The following DIP2A variants were observed in gnomAD, a reference collection of about 807,000 sequenced individuals.
DIP2A encodes DIP2 acetate--CoA ligase A.
In DIP2A, 85 loss-of-function variants were observed where a neutral mutation model predicts 177.4. The ratio of observed to expected loss-of-function variants is 0.48; its 90% CI spans 0.40 to 0.57. The LOEUF (loss-of-function observed/expected upper bound fraction) is 0.57. DIP2A is among the 20% of genes least tolerant of loss of function. The pLI, the probability that DIP2A is intolerant of heterozygous loss-of-function variation, is 0.00. For synonymous variants in DIP2A, 886 were observed against 881.8 expected (o/e 1.00, Z -0.08); for missense variants, 1,791 against 2,100.2 (o/e 0.85, Z 2.88).
intron 16 of DIP2A, 191 bp downstream of exon 16, chr21:46,538,793 C>A: frequency 1.2e-6 from 1 of 823,164 alleles, no homozygotes; most frequent in Non-Finnish European, 1.8e-6. Flanking sequence ...TTTATTAGGC[C>A]ACTAAATTTA....
At chr21:46,534,252 TAC>T in intron 12 of DIP2A, 139 bp downstream of exon 12, 1 of 691,082 alleles carries the variant, frequency 1.4e-6, no homozygotes, top group Non-Finnish European at 2.5e-6. Flanking sequence ...GCCCTGGAAA[TAC>T]AGAGTGTCAT....
chr21:46,541,798 G>A lies in DIP2A; in HGVS notation c.2079G>A (p.Leu693=), dbSNP rs2070435. Reference sequence around the variant, plus strand: ...GACCACCTCCAAGAAAAGCAGTCCTGTCGATGAACGGTCTAAGTTATGGTG... The same window carrying A: ...GACCACCTCCAAGAAAAGCAGTCCTATCGATGAACGGTCTAAGTTATGGTG... ...LGGPPPRKAV[L]SMNGLSYGVI... The change falls in exon 18 of 38, where the codon CTG becomes CTA. Residue 693 remains leucine, a synonymous_variant. Coordinates refer to ENST00000417564, the MANE Select transcript of DIP2A (RefSeq NM_015151.4). The A allele has an allele frequency of 0.33, 534,910 of 1,613,500 alleles. 90,971 individuals carry two copies. Among genetic ancestry groups the A allele is most frequent in the African/African-American group, 0.5 (37,573 of 74,906 alleles).
intron 25 of DIP2A, 38 bp from the exon 26 acceptor site, chr21:46,554,131 C>T (rs750865148): frequency 1.9e-6 from 3 of 1,603,062 alleles, no homozygotes; most frequent in East Asian, 4.5e-5. Flanking sequence ...CACCTGCACG[C>T]ACCAGCATAC....
At chr21:46,560,851 C>T in intron 33 of DIP2A, 68 bp downstream of exon 33, 2 of 1,550,556 alleles carry the variant, frequency 1.3e-6, no homozygotes, top group Non-Finnish European at 8.7e-7. Context: ...CAGGTCTGCA[C>T]TGACTATGCA....
intron 3 of DIP2A, among the ~76,000 whole-genome samples, chr21:46,492,307 G>C (rs1036461057): frequency 6.6e-6 from 1 of 152,094 alleles, no homozygotes; most frequent in African/African-American, 2.4e-5. Flanking sequence ...ACATAAATGC[G>C]CGCATCTATT....
At chr21:46,506,665 T>C (rs2057999520) in intron 6 of DIP2A, among the ~76,000 whole-genome samples, 1 of 152,124 alleles carries the variant, frequency 6.6e-6, no homozygotes, top group South Asian at 2.1e-4. Flanking sequence ...TCTGTGTATC[T>C]CTTGAGGGAA....
chr21:46,522,916 T>A (rs544636319), intron 8 of DIP2A, among the ~76,000 whole-genome samples: 1 of 152,048 alleles, frequency 6.6e-6, no homozygotes, highest in African/African-American at 2.4e-5. Flanking sequence ...TTTATTTTTT[T>A]AATTAATTTA....
Position 46,509,412 on chromosome 21 carries a change from A to T in DIP2A, c.904+36A>T, listed in dbSNP as rs1209222631. On this transcript the variant is annotated intron_variant, in intron 7 of 37. Coordinates refer to ENST00000417564, the MANE Select transcript of DIP2A (RefSeq NM_015151.4). ...TCCAACTTTGAGCTTTTCTGTTTGT[A>T]TGAAAAGGGTGGCCACGAAGTTGAG... 1.0e-5 allele frequency: 16 copies of T among 1,582,132 alleles called. No individual in the cohort carries two copies. In the Admixed American group the frequency reaches 2.9e-4, roughly 29 times the overall value.
In DIP2A at chr21:46,545,279, TC is replaced by T; in HGVS notation, c.2313+9del. 1.9e-6 allele frequency: 3 copies of T among 1,586,228 alleles called. No homozygotes were observed. Among genetic ancestry groups the T allele is most frequent in the Non-Finnish European group, 2.6e-6 (3 of 1,158,356 alleles). Reference sequence around the variant, plus strand: ...TCACGAAGAATGTGTTTGAGGTTTGTCCCTTTTCCTGACTTTCATGTTGAAG... The same window carrying T: ...TCACGAAGAATGTGTTTGAGGTTTGTCCTTTTCCTGACTTTCATGTTGAAG... On this transcript the variant is annotated splice_region_variant and intron_variant, in intron 19 of 37. Coordinates refer to ENST00000417564, the MANE Select transcript of DIP2A (RefSeq NM_015151.4).
chr21:46,555,002 G>C, intron 28 of DIP2A, 69 bp downstream of exon 28: 1 of 1,475,180 alleles, frequency 6.8e-7, no homozygotes, highest in Non-Finnish European at 9.2e-7. Context: ...GTGTGGCCTG[G>C]CTGCCGTCCA....
intron 3 of DIP2A, among the ~76,000 whole-genome samples, chr21:46,494,454 T>A (rs1212265087): frequency 6.6e-6 from 1 of 152,248 alleles, no homozygotes; most frequent in African/African-American, 2.4e-5. Context: ...CTGTGGTGCT[T>A]GAAAACCAGT....
intron 21 of DIP2A, 188 bp downstream of exon 21, chr21:46,547,230 G>A: frequency 7.3e-7 from 1 of 1,370,912 alleles, no homozygotes; most frequent in Non-Finnish European, 9.4e-7. Context: ...TATCCTTACT[G>A]TCCAAAGAGT....
chr21:46,518,729 C>A (rs1352071836), intron 8 of DIP2A, among the ~76,000 whole-genome samples: 1 of 152,134 alleles, frequency 6.6e-6, no homozygotes. Flanking sequence ...TGGTGGCATG[C>A]GCCTATAGTC....
At position 46,538,000 on chromosome 21, in the gene DIP2A, GCT is replaced by G. The variant is rs1303313329; in HGVS notation, c.1801+468_1801+469del. ...TGTCTCAGAGCAGTGTGGAGGGGCA[GCT>G]CTCTCTGTCTGTCCTACTTTATGGA... On this transcript the variant is annotated intron_variant, in intron 15 of 37. Coordinates refer to ENST00000417564, the MANE Select transcript of DIP2A (RefSeq NM_015151.4). The surrounding 1 kb of genome is among the most constrained non-coding windows in gnomAD (Gnocchi z 4.1). Among the ~76,000 whole-genome samples the G allele has an allele frequency of 6.6e-6, 1 of 152,154 alleles. No homozygotes were observed. Among genetic ancestry groups the G allele is most frequent in the Non-Finnish European group, 1.5e-5 (1 of 68,024 alleles).
rs1413725352 is a variant in DIP2A at position 46,540,130 on chromosome 21, A to C, written c.2036+139A>C. 7.4e-6 allele frequency: 5 copies of C among 673,804 alleles called. No individual in the cohort carries two copies. In the African/African-American group the frequency reaches 9.0e-5, roughly 12 times the overall value. 41.7% of individuals were successfully genotyped at this position (673,804 alleles called of 1,614,324 possible). ...AGTACCTTGGTGCCTGGCCCCCCAC[A>C]TTTTGCCGGCTTGGGTTTGTGTGGA... On this transcript the variant is annotated intron_variant, in intron 17 of 37. Transcript: ENST00000417564.
chr21:46,541,720 CT>C, intron 17 of DIP2A, 35 bp from the exon 18 acceptor site: 1 of 1,612,500 alleles, frequency 6.2e-7, no homozygotes. Context: ...TTTCATCCCC[CT>C]CGTCAGTTAA....
chr21:46,483,844 A>G lies in DIP2A; in HGVS notation c.92-913A>G, dbSNP rs181357570. Among the ~76,000 whole-genome samples, 24 of 152,350 alleles carry G rather than the reference A, an allele frequency of 1.6e-4. 1 individual carries two copies. In the East Asian group the frequency reaches 3.9e-3, roughly 24 times the overall value. ...CTCTACCATGTTCACCCAGAGGACA[A>G]GCTAATCATGAGAATTGTAATATGT... On this transcript the variant is annotated intron_variant, in intron 1 of 37. Transcript: ENST00000417564.
Position 46,545,027 on chromosome 21 carries a change from T to C in DIP2A, c.2177-110T>C, listed in dbSNP as rs143591571. On this transcript the variant is annotated intron_variant, in intron 18 of 37. Transcript: ENST00000417564. ...TAAAACTCCTTATAAGAAGGTGCTG[T>C]GTATATAACATCCTGTTTCCATAAC... The C allele has an allele frequency of 4.8e-6, 5 of 1,044,150 alleles. No individual in the cohort carries two copies. The East Asian group carries it at 1.3e-4, about 28-fold the overall frequency. The allele number at this position is 1,044,150 out of a possible 1,614,324, so 64.7% of individuals were successfully genotyped here.
intron 18 of DIP2A, among the ~76,000 whole-genome samples, chr21:46,544,546 TG>T (rs1292170879): frequency 6.6e-6 from 1 of 152,112 alleles, no homozygotes; most frequent in Non-Finnish European, 1.5e-5. Context: ...CCTCATAGCC[TG>T]TAGTGTGTGC....
Sources: gnomAD v4.1 joint callset for allele counts (sites outside exome capture counted in the v4.1 genomes callset) on GRCh38, gnomAD v4.1.1 for gene constraint, Gnocchi (gnomAD v3.1) non-coding constraint, MANE v1.5 for transcripts, NCBI Gene and HGNC (gene_info 2026-07-23, HGNC 2026-07-21) for gene names.